The following LY96 variants were observed in gnomAD, a reference collection of about 807,000 sequenced individuals.
The protein encoded by LY96 is lymphocyte antigen 96.
Under a neutral mutation model 18.9 loss-of-function variants are expected in LY96, and 18 were observed. The ratio of observed to expected loss-of-function variants is 0.95; its 90% CI spans 0.66 to 1.41. The LOEUF is 1.41. LY96 is among the 40% of genes most tolerant of loss of function. The probability of loss-of-function intolerance (pLI) is 0.00; values close to 1 mark genes in which losing one functional copy is unlikely to be tolerated. For synonymous variants in LY96, 66 were observed against 62.6 expected, an observed-to-expected ratio of 1.06 and a Z score of -0.26; for missense variants, 175 against 182.4, an observed-to-expected ratio of 0.96 and a Z score of 0.23.
At chr8:74,034,524 G>T in the LY96 span, among the ~76,000 whole-genome samples, 1 of 152,080 alleles carries the variant, frequency 6.6e-6, no homozygotes, top group Non-Finnish European at 1.5e-5. Context: ...AGAGTGCCAG[G>T]TTATCATTTT....
At chr8:74,029,984 G>A (rs1816943609), downstream of LY96, among the ~76,000 whole-genome samples, 1 of 152,070 alleles carries the variant, frequency 6.6e-6, no homozygotes, top group South Asian at 2.1e-4. Flanking sequence ...CCCAGTCTTG[G>A]GTATTTCTTC....
the LY96 span, among the ~76,000 whole-genome samples, chr8:74,082,957 G>C: frequency 6.6e-6 from 1 of 152,130 alleles, no homozygotes; most frequent in Non-Finnish European, 1.5e-5. Context: ...CAGGGGAGAA[G>C]GCTGAGGGAA....
the LY96 span, among the ~76,000 whole-genome samples, chr8:74,089,958 G>A: frequency 1.3e-5 from 2 of 152,134 alleles, no homozygotes; most frequent in Non-Finnish European, 2.9e-5. Flanking sequence ...GGTTGGTGTG[G>A]AAGATTGGGG....
chr8:74,085,477 G>A, the LY96 span, among the ~76,000 whole-genome samples: 3 of 152,220 alleles, frequency 2.0e-5, no homozygotes, highest in African/African-American at 7.2e-5. Flanking sequence ...GTACAGAAGA[G>A]CCTGCCAATC....
At chr8:74,021,932 G>C (rs1054713375) in intron 3 of LY96, among the ~76,000 whole-genome samples, 1 of 152,106 alleles carries the variant, frequency 6.6e-6, no homozygotes, top group East Asian at 1.9e-4. Context: ...GGGGTGGGGG[G>C]CTGGGGGAGG....
At chr8:74,021,909 C>A (rs1208353503) in intron 3 of LY96, among the ~76,000 whole-genome samples, 2 of 151,400 alleles carry the variant, frequency 1.3e-5, no homozygotes, top group Admixed American at 6.6e-5. Flanking sequence ...CATCACACAC[C>A]AGGGCCTGTC....
At chr8:74,016,211 T>A (rs1816638608) in intron 3 of LY96, among the ~76,000 whole-genome samples, 1 of 152,224 alleles carries the variant, frequency 6.6e-6, no homozygotes, top group Non-Finnish European at 1.5e-5. Context: ...GGAGATTATA[T>A]CCTGTGCATG....
At chr8:73,997,219 A>G (rs1004413330) in intron 1 of LY96, among the ~76,000 whole-genome samples, 2 of 152,106 alleles carry the variant, frequency 1.3e-5, no homozygotes, top group Non-Finnish European at 1.5e-5. Flanking sequence ...TAGGCCCCAA[A>G]CCAGAAGTAT....
At position 74,021,108 on chromosome 8, in the gene LY96, G is replaced by T. The variant is rs533784372; in HGVS notation, c.332-5681G>T. Among the ~76,000 whole-genome samples, 7 of 152,266 alleles carry T rather than the reference G, an allele frequency of 4.6e-5. No individual in the cohort carries two copies. The East Asian group carries it at 1.2e-3, about 25-fold the overall frequency. ...ACTAAAGAGCTTCTGCACAACAAAA[G>T]AAACTGTCATCAGATTGAACAGGCG... On this transcript the variant is annotated intron_variant, in intron 3 of 4. Transcript: ENST00000284818.
intron 2 of LY96, among the ~76,000 whole-genome samples, chr8:74,005,245 G>A (rs1174155183): frequency 3.3e-5 from 5 of 152,214 alleles, no homozygotes; most frequent in African/African-American, 1.2e-4. Context: ...CCACCCGTCA[G>A]TTCCTTACCA....
the LY96 span, among the ~76,000 whole-genome samples, chr8:74,062,494 T>C: frequency 6.6e-6 from 1 of 151,582 alleles, no homozygotes; most frequent in African/African-American, 2.4e-5. Flanking sequence ...GAACATGCGG[T>C]CTTTGGTTTT....
the LY96 span, among the ~76,000 whole-genome samples, chr8:74,076,241 C>T: frequency 6.6e-6 from 1 of 151,434 alleles, no homozygotes; most frequent in Non-Finnish European, 1.5e-5. Flanking sequence ...TCCATGTCTA[C>T]CCCAGGAACC....
intron 3 of LY96, among the ~76,000 whole-genome samples, chr8:74,024,367 G>T (rs928992720): frequency 2.7e-5 from 4 of 150,246 alleles, no homozygotes; most frequent in African/African-American, 9.8e-5. Flanking sequence ...ATACATATAT[G>T]ACTAATATAT....
intron 1 of LY96, among the ~76,000 whole-genome samples, chr8:74,001,751 T>C (rs548470890): frequency 3.3e-5 from 5 of 151,954 alleles, no homozygotes; most frequent in Non-Finnish European, 7.4e-5. Context: ...GGCAAGAGGA[T>C]CACTTGAGCC....
chr8:74,008,573 C>T (rs574766149), intron 2 of LY96, among the ~76,000 whole-genome samples: 13 of 152,102 alleles, frequency 8.5e-5, no homozygotes, highest in South Asian at 2.1e-4. Context: ...GAAGGCAGCG[C>T]GGTAATGGGG....
At chr8:74,099,521 T>A in the LY96 span, 1 of 152,212 alleles carries the variant, frequency 6.6e-6, no homozygotes, top group East Asian at 1.9e-4. Context: ...GGTTTTCCTG[T>A]CATCTGCTTC....
intron 3 of LY96, among the ~76,000 whole-genome samples, chr8:74,022,808 T>C (rs1816796368): frequency 6.6e-6 from 1 of 152,050 alleles, no homozygotes; most frequent in African/African-American, 2.4e-5. Flanking sequence ...CTCAAACTCC[T>C]CACCTCGTGA....
At chr8:74,026,079 A>G (rs533488551) in intron 3 of LY96, among the ~76,000 whole-genome samples, 3 of 152,258 alleles carry the variant, frequency 2.0e-5, no homozygotes, top group Non-Finnish European at 2.9e-5. Flanking sequence ...TACTTGTGAG[A>G]CTAGAAGTAT....
chr8:74,080,978 T>TTC, the LY96 span, among the ~76,000 whole-genome samples: 7 of 141,220 alleles, frequency 5.0e-5, no homozygotes, highest in Admixed American at 1.5e-4. Context: ...CTTTCTTTCT[T>TTC]TCTCTCTCTT....
Sources: allele counts gnomAD v4.1 joint callset (sites outside exome capture counted in the v4.1 genomes callset), GRCh38; gene constraint gnomAD v4.1.1; transcripts MANE v1.5; gene names NCBI Gene and HGNC (gene_info 2026-07-23, HGNC 2026-07-21).